CXXC4: variants seen among roughly 807,000 people sequenced by gnomAD.
CXXC4 encodes CXXC finger protein 4.
CXXC4 carries 5 observed loss-of-function variants against 20.5 expected under a neutral mutation model. The observed-to-expected ratio is 0.24, with a 90% CI of 0.13 to 0.51. The LOEUF is 0.51. Ranked by LOEUF, CXXC4 falls within the 20% of genes least tolerant of loss-of-function variation. The pLI is 0.97. For synonymous variants in CXXC4, 250 were observed against 216.4 expected, an observed-to-expected ratio of 1.16 and a Z score of -1.36; for missense variants, 419 against 496.4, an observed-to-expected ratio of 0.84 and a Z score of 1.48.
At position 104,472,187 on chromosome 4, in the gene CXXC4, T is replaced by TG. The variant is rs1480888292; in HGVS notation, c.*134dup. ...TTCTTTTCCTCTTTTTTTTTTTTTT[T>TG]GAAGAAAGCCCTATACATAAAATGA... On this transcript the variant is annotated 3_prime_UTR_variant, in exon 3 of 3. Coordinates refer to ENST00000394767, the MANE Select transcript of CXXC4 (RefSeq NM_025212.4). 1.1e-4 allele frequency: 50 copies of TG among 448,966 alleles called. No individual in the cohort carries two copies. The highest frequency in any genetic ancestry group is 1.1e-3 in the East Asian group (32 of 29,840). The allele number at this position is 448,966 out of a possible 1,614,324, so 27.8% of individuals were successfully genotyped here.
At chr4:104,477,609 G>A (rs1413621938) in intron 2 of CXXC4, among the ~76,000 whole-genome samples, 1 of 151,854 alleles carries the variant, frequency 6.6e-6, no homozygotes, top group Non-Finnish European at 1.5e-5. Context: ...AACTATAATA[G>A]AGTTATTAGA....
rs532524986 is a variant in CXXC4 at position 104,491,307 on chromosome 4, TGCCGCC to T, written c.490_495del (p.Gly164_Gly165del). ...TTTCGGTGGTGCATGCTGGTCCTGC[TGCCGCC>T]GCCGCCGCCGCCGCCGCCACCGCCG... On this transcript the variant is annotated inframe_deletion, in exon 2 of 3. Transcript: ENST00000394767. The T allele has an allele frequency of 3.9e-5, 62 of 1,572,850 alleles. No homozygotes were observed. The highest frequency in any genetic ancestry group is 1.8e-4 in the African/African-American group (13 of 72,216).
intron 2 of CXXC4, among the ~76,000 whole-genome samples, chr4:104,483,917 A>G (rs1436908266): frequency 2.6e-5 from 4 of 152,046 alleles, no homozygotes; most frequent in African/African-American, 9.6e-5. Flanking sequence ...TAATATGCTC[A>G]GTTTCCTAAG....
intron 2 of CXXC4, among the ~76,000 whole-genome samples, chr4:104,479,014 T>C (rs575282542): frequency 6.6e-6 from 1 of 152,098 alleles, no homozygotes; most frequent in Non-Finnish European, 1.5e-5. Context: ...TATATGTGTG[T>C]ATAAAAGTTC....
rs1242364377 is a variant in CXXC4 at position 104,494,708 on chromosome 4, T to C, written c.-265A>G. On this transcript the variant is annotated 5_prime_UTR_variant, in exon 1 of 3. Transcript: ENST00000394767. The stretch of plus-strand genomic sequence containing the variant: ...GCGGATCAAAAAAAATACCTGTAAA[T>C]GGCTTTTTTTTCTTGTTGCAGAGAG... 7.8e-6 allele frequency: 1 copy of C among 128,270 alleles called. No homozygotes were observed. The highest frequency in any genetic ancestry group is 1.7e-5 in the Non-Finnish European group (1 of 59,688). The allele number at this position is 128,270 out of a possible 1,614,324, so 7.9% of individuals were successfully genotyped here.
intron 2 of CXXC4, among the ~76,000 whole-genome samples, chr4:104,479,278 G>A (rs1736496257): frequency 1.3e-5 from 2 of 152,054 alleles, no homozygotes; most frequent in South Asian, 4.1e-4. Flanking sequence ...AATCTTAAGA[G>A]GTGATGTTTA....
chr4:104,491,949 C>T lies in CXXC4; in HGVS notation c.-147G>A, dbSNP rs1475475163. ...CCGAGGCGGGTGGGGAAAGTGGGTTCGGGTGGGGAGAGCAAGGTGAGGGCT... is the reference window on the plus strand; with the variant it reads ...CCGAGGCGGGTGGGGAAAGTGGGTTTGGGTGGGGAGAGCAAGGTGAGGGCT... On this transcript the variant is annotated 5_prime_UTR_variant, in exon 2 of 3. Transcript: ENST00000394767. 1 of 346,696 alleles carries T rather than the reference C, an allele frequency of 2.9e-6. No homozygotes were observed. Among genetic ancestry groups the T allele is most frequent in the African/African-American group, 2.2e-5 (1 of 45,188 alleles). The allele number at this position is 346,696 out of a possible 1,614,324, so 21.5% of individuals were successfully genotyped here.
chr4:104,488,190 A>G (rs1048296914), intron 2 of CXXC4, among the ~76,000 whole-genome samples: 5 of 152,244 alleles, frequency 3.3e-5, no homozygotes, highest in African/African-American at 1.2e-4. Context: ...TGAGTCCCCA[A>G]ATCACTGCCC....
Position 104,469,675 on chromosome 4 carries a change from A to G in CXXC4, c.*2647T>C, listed in dbSNP as rs1411862631. On this transcript the variant is annotated 3_prime_UTR_variant, in exon 3 of 3. Transcript: ENST00000394767. Reference sequence around the variant, plus strand: ...GCCAGAAGAGTCATCTCTTTCTTCAACATCACCAATGAGAACTTTATATGC... The same window carrying G: ...GCCAGAAGAGTCATCTCTTTCTTCAGCATCACCAATGAGAACTTTATATGC... The G allele has an allele frequency of 6.6e-6, 1 of 152,070 alleles. No homozygotes were observed. Among genetic ancestry groups the G allele is most frequent in the South Asian group, 2.1e-4 (1 of 4,828 alleles). The allele number at this position is 152,070 out of a possible 1,614,324, so 9.4% of individuals were successfully genotyped here.
chr4:104,474,682 AT>A (rs1178319870), intron 2 of CXXC4, among the ~76,000 whole-genome samples: 2 of 152,086 alleles, frequency 1.3e-5, no homozygotes, highest in African/African-American at 4.8e-5. Context: ...ATATATTCAC[AT>A]TTATGTGTAT....
In CXXC4 at chr4:104,470,621, T is replaced by C. The variant is rs1736246070; in HGVS notation, c.*1701A>G. On this transcript the variant is annotated 3_prime_UTR_variant, in exon 3 of 3. Coordinates refer to ENST00000394767, the MANE Select transcript of CXXC4 (RefSeq NM_025212.4). ...CTTTACAGCTTCTTTCATTGTACCA[T>C]ACCATTTCTCTTCTCAAATTATCTT... 1 of 152,084 alleles carries C rather than the reference T, an allele frequency of 6.6e-6. No homozygotes were observed. Among genetic ancestry groups the C allele is most frequent in the African/African-American group, 2.4e-5 (1 of 41,448 alleles). The allele number at this position is 152,084 out of a possible 1,614,324, so 9.4% of individuals were successfully genotyped here.
intron 2 of CXXC4, among the ~76,000 whole-genome samples, chr4:104,482,533 C>T (rs1007883262): frequency 6.6e-6 from 1 of 152,074 alleles, no homozygotes. Context: ...CTTCACTTAA[C>T]ATTAAGATCA....
At chr4:104,481,124 A>G (rs1736548760) in intron 2 of CXXC4, among the ~76,000 whole-genome samples, 1 of 152,188 alleles carries the variant, frequency 6.6e-6, no homozygotes, top group South Asian at 2.1e-4. Flanking sequence ...AGGATGAGTC[A>G]AGGAATCCTA....
chr4:104,487,075 T>A (rs1736718583), intron 2 of CXXC4, among the ~76,000 whole-genome samples: 1 of 152,132 alleles, frequency 6.6e-6, no homozygotes. Flanking sequence ...GCCTGTACAT[T>A]CGGCAGATAG....
chr4:104,477,291 A>T (rs1736433623), intron 2 of CXXC4, among the ~76,000 whole-genome samples: 1 of 151,986 alleles, frequency 6.6e-6, no homozygotes, highest in South Asian at 2.1e-4. Flanking sequence ...GAAAAAAACT[A>T]CCTTTTTTTT....
intron 2 of CXXC4, among the ~76,000 whole-genome samples, chr4:104,480,559 T>C (rs1736526905): frequency 6.6e-6 from 1 of 152,118 alleles, no homozygotes; most frequent in Non-Finnish European, 1.5e-5. Context: ...AAAAATATGT[T>C]TTTAAAAAAC....
At chr4:104,481,727 G>A (rs1736563401) in intron 2 of CXXC4, among the ~76,000 whole-genome samples, 1 of 151,974 alleles carries the variant, frequency 6.6e-6, no homozygotes, top group Non-Finnish European at 1.5e-5. Flanking sequence ...TGTATACATG[G>A]AACTTAAGTC....
At chr4:104,475,874 G>A (rs1004565677) in intron 2 of CXXC4, among the ~76,000 whole-genome samples, 8 of 152,016 alleles carry the variant, frequency 5.3e-5, no homozygotes, top group Non-Finnish European at 8.8e-5. Context: ...TGAGTTGATC[G>A]GCATTGTTTA....
At chr4:104,483,707 C>T (rs1736610830) in intron 2 of CXXC4, among the ~76,000 whole-genome samples, 1 of 151,738 alleles carries the variant, frequency 6.6e-6, no homozygotes, top group Non-Finnish European at 1.5e-5. Flanking sequence ...CTTGACCTCA[C>T]AAATTCACAT....
Sources: allele counts gnomAD v4.1 joint callset (sites outside exome capture counted in the v4.1 genomes callset), GRCh38; gene constraint gnomAD v4.1.1; transcripts MANE v1.5; gene names NCBI Gene and HGNC (gene_info 2026-07-23, HGNC 2026-07-21).